Variants in TMC1 observed in about 807,000 individuals in gnomAD.
TMC1 encodes transmembrane channel like 1, also known as transmembrane channel-like protein 1.
TMC1 carries 84 observed loss-of-function variants against 105.8 expected under a neutral mutation model. The observed-to-expected ratio is 0.79, with a 90% confidence interval of 0.67 to 0.95. The LOEUF (loss-of-function observed/expected upper bound fraction) is 0.95. Among genes scored for constraint, TMC1 ranks in the 40% least tolerant of loss-of-function variants. TMC1 has a pLI of 0.00. For missense variants in TMC1, 817 were observed against 914.1 expected (o/e 0.89, Z 1.37); for synonymous variants, 315 against 311.5 (o/e 1.01, Z -0.12).
At chr9:72,669,438 ATTAAT>A (rs1454759242) in intron 5 of TMC1, among the ~76,000 whole-genome samples, 1 of 152,230 alleles carries the variant, frequency 6.6e-6, no homozygotes, top group Non-Finnish European at 1.5e-5. Context: ...TCAGCTTTTA[ATTAAT>A]TTATTTTTGC....
At chr9:72,725,325 G>GTGTGTATA (rs1346287163) in intron 8 of TMC1, among the ~76,000 whole-genome samples, 14 of 77,678 alleles carry the variant, frequency 1.8e-4, no homozygotes, top group East Asian at 5.1e-4. Context: ...ATGTGTGTAT[G>GTGTGTATA]TATATATATA....
intron 1 of TMC1, among the ~76,000 whole-genome samples, chr9:72,525,982 C>T (rs768709362): frequency 2.3e-4 from 30 of 132,460 alleles, no homozygotes; most frequent in Non-Finnish European, 3.7e-4. Context: ...AGTGAGACTC[C>T]GTCTCAAAAA....
At chr9:72,754,647 A>T in intron 11 of TMC1, 139 bp from the exon 12 acceptor site, 3 of 707,264 alleles carry the variant, frequency 4.2e-6, no homozygotes, top group Non-Finnish European at 7.7e-6. Context: ...ATTCCCAGAA[A>T]ATGGGACCCC....
chr9:72,703,912 ATGAAGTTGTTGGTACTTAAGTGCC>A (rs1241589072), intron 8 of TMC1, among the ~76,000 whole-genome samples: 2 of 152,202 alleles, frequency 1.3e-5, no homozygotes, highest in East Asian at 3.8e-4. Context: ...AGTCTCCGTG[ATGAAGTTGTTGGTACTTAAGTGCC>A]TGACTTATCT....
At chr9:72,772,877 C>G (rs2118128553) in intron 13 of TMC1, among the ~76,000 whole-genome samples, 1 of 152,228 alleles carries the variant, frequency 6.6e-6, no homozygotes, top group Non-Finnish European at 1.5e-5. Context: ...GACAGGAAAA[C>G]AGCTGCTGGT....
chr9:72,673,683 A>G (rs1826159463), intron 5 of TMC1, among the ~76,000 whole-genome samples: 1 of 152,190 alleles, frequency 6.6e-6, no homozygotes, highest in Non-Finnish European at 1.5e-5. Flanking sequence ...AAATTGCACA[A>G]ATTACTTATA....
chr9:72,770,258 A>G (rs1490961557), intron 12 of TMC1, among the ~76,000 whole-genome samples: 3 of 151,052 alleles, frequency 2.0e-5, no homozygotes, highest in Non-Finnish European at 4.4e-5. Flanking sequence ...CCAGTAGAAG[A>G]TATGTATACA....
intron 17 of TMC1, among the ~76,000 whole-genome samples, chr9:72,795,292 A>T (rs532647704): frequency 3.3e-5 from 5 of 152,302 alleles, no homozygotes; most frequent in African/African-American, 1.2e-4. Flanking sequence ...TTTAGGAAAT[A>T]CAGAGAATTC....
At chr9:72,716,836 C>G (rs551028007) in intron 8 of TMC1, among the ~76,000 whole-genome samples, 8 of 152,324 alleles carry the variant, frequency 5.3e-5, no homozygotes, top group African/African-American at 1.9e-4. Context: ...GCGGCTAGCT[C>G]TGTGTCTGCC....
intron 5 of TMC1, among the ~76,000 whole-genome samples, chr9:72,653,768 C>A (rs1226746823): frequency 6.6e-6 from 1 of 152,098 alleles, no homozygotes; most frequent in African/African-American, 2.4e-5. Flanking sequence ...ACATTCCTTC[C>A]TTCTCTACAC....
chr9:72,628,012 A>G lies in TMC1; in HGVS notation c.-104A>G. ...GCAACTTTGAGCCTGTGGGGAAGGA[A>G]CTGTCCACGTGGAGTGGTCTGGTGA... On this transcript the variant is annotated 5_prime_UTR_variant, in exon 4 of 24. Coordinates refer to ENST00000297784, the MANE Select transcript of TMC1 (RefSeq NM_138691.3). The G allele has an allele frequency of 2.2e-6, 1 of 455,850 alleles. No individual in the cohort carries two copies. Among genetic ancestry groups the G allele is most frequent in the Non-Finnish European group, 4.4e-6 (1 of 226,800 alleles). 28.2% of individuals were successfully genotyped at this position (455,850 alleles called of 1,614,324 possible).
intron 1 of TMC1, among the ~76,000 whole-genome samples, chr9:72,561,347 G>C (rs1385478448): frequency 2.0e-5 from 3 of 146,918 alleles, no homozygotes; most frequent in Non-Finnish European, 4.5e-5. Context: ...AAAAGAGAGA[G>C]AGAAAATAAC....
At chr9:72,792,510 T>C (rs1365621822) in intron 17 of TMC1, among the ~76,000 whole-genome samples, 158 bp downstream of exon 17, 9 of 152,224 alleles carry the variant, frequency 5.9e-5, no homozygotes, top group Admixed American at 4.6e-4. Flanking sequence ...TCATGTATAT[T>C]ATCTCACACT....
chr9:72,756,083 T>C (rs1342776012), intron 12 of TMC1, among the ~76,000 whole-genome samples: 4 of 152,282 alleles, frequency 2.6e-5, no homozygotes, highest in Admixed American at 1.3e-4. Flanking sequence ...AAGCAAGCTA[T>C]TGAGTTAGCA....
intron 8 of TMC1, among the ~76,000 whole-genome samples, chr9:72,725,398 T>C (rs1371883958): frequency 2.1e-5 from 3 of 144,512 alleles, no homozygotes; most frequent in Non-Finnish European, 4.5e-5. Context: ...CGTACATATA[T>C]ATACAGGAGT....
At chr9:72,737,972 A>G (rs937320349) in intron 8 of TMC1, among the ~76,000 whole-genome samples, 6 of 152,346 alleles carry the variant, frequency 3.9e-5, no homozygotes, top group Admixed American at 3.9e-4. Context: ...AAAGGGTGCA[A>G]TCCCAAAGTC....
intron 2 of TMC1, among the ~76,000 whole-genome samples, chr9:72,585,853 T>C (rs1824547208): frequency 6.6e-6 from 1 of 152,016 alleles, no homozygotes; most frequent in Non-Finnish European, 1.5e-5. Flanking sequence ...GGGGCGTAGA[T>C]GGAGAAGCAG....
chr9:72,539,226 T>C (rs1157402793), intron 1 of TMC1, among the ~76,000 whole-genome samples: 1 of 95,260 alleles, frequency 1.0e-5, no homozygotes, highest in Non-Finnish European at 2.0e-5. Flanking sequence ...CTACAAAAAA[T>C]ACAAAAAAAA....
chr9:72,707,152 T>G (rs1826756394), intron 8 of TMC1, among the ~76,000 whole-genome samples: 1 of 152,246 alleles, frequency 6.6e-6, no homozygotes, highest in South Asian at 2.1e-4. Flanking sequence ...CTTTATCCAT[T>G]CATTGACTGA....
Sources: gnomAD v4.1 joint callset for allele counts (sites outside exome capture counted in the v4.1 genomes callset) on GRCh38, gnomAD v4.1.1 for gene constraint, MANE v1.5 for transcripts, NCBI Gene and HGNC (gene_info 2026-07-23, HGNC 2026-07-21) for gene names.